CCDC191: variants seen among roughly 807,000 people sequenced by gnomAD.
CCDC191 encodes the protein coiled-coil domain-containing protein 191.
A neutral mutation model predicts 114.0 loss-of-function variants in CCDC191; 99 were observed. The observed-to-expected ratio is 0.87, with a 90% CI of 0.74 to 1.03. The LOEUF is 1.03. CCDC191 is among the 50% of genes least tolerant of loss of function. The pLI is 0.00. For synonymous variants in CCDC191, 351 were observed against 376.0 expected (o/e 0.93, Z 0.77); for missense variants, 973 against 1,087.0 (o/e 0.90, Z 1.47).
At chr3:114,046,534 A>G in intron 3 of CCDC191, 57 bp downstream of exon 3, 1 of 1,077,254 alleles carries the variant, frequency 9.3e-7, no homozygotes. Flanking sequence ...TTTGAAATGC[A>G]TCATGGGTTA....
chr3:113,985,918 C>T (rs1383468032), intron 13 of CCDC191, among the ~76,000 whole-genome samples: 1 of 151,966 alleles, frequency 6.6e-6, no homozygotes, highest in African/African-American at 2.4e-5. Flanking sequence ...TGGCCTTCAA[C>T]AAAAAAATAC....
At chr3:114,014,478 A>G (rs559620715) in intron 8 of CCDC191, among the ~76,000 whole-genome samples, 6 of 152,268 alleles carry the variant, frequency 3.9e-5, no homozygotes, top group Non-Finnish European at 7.4e-5. Context: ...GAACACTGAA[A>G]TCCAGAGTAC....
intron 14 of CCDC191, 121 bp downstream of exon 14, chr3:113,980,529 A>C (rs1056651693): frequency 1.1e-6 from 1 of 936,528 alleles, no homozygotes; most frequent in Non-Finnish European, 1.6e-6. Context: ...CACACATTCA[A>C]TTAATTTATC....
At chr3:113,979,542 C>G (rs927980001) in intron 14 of CCDC191, among the ~76,000 whole-genome samples, 1 of 152,160 alleles carries the variant, frequency 6.6e-6, no homozygotes, top group African/African-American at 2.4e-5. Context: ...AACTGAGTAT[C>G]ATTCTATCAA....
chr3:113,968,884 G>T (rs534082265), intron 16 of CCDC191, among the ~76,000 whole-genome samples: 2 of 152,072 alleles, frequency 1.3e-5, no homozygotes, highest in African/African-American at 4.8e-5. Context: ...CCTGAGGCTG[G>T]GTAATTTATT....
intron 8 of CCDC191, among the ~76,000 whole-genome samples, chr3:114,011,401 G>A (rs2076067615): frequency 1.3e-5 from 2 of 152,202 alleles, no homozygotes; most frequent in South Asian, 4.1e-4. Context: ...GTTCAGCTAT[G>A]CACGAAAATT....
chr3:114,024,452 A>G (rs909519808), intron 7 of CCDC191, among the ~76,000 whole-genome samples: 1 of 152,216 alleles, frequency 6.6e-6, no homozygotes, highest in Non-Finnish European at 1.5e-5. Context: ...AACCAACCCA[A>G]ATGTCCAACA....
chr3:114,020,219 A>C (rs926431929), intron 7 of CCDC191, among the ~76,000 whole-genome samples: 6 of 152,176 alleles, frequency 3.9e-5, no homozygotes, highest in Non-Finnish European at 7.4e-5. Flanking sequence ...GACTCTGCAC[A>C]AAATTGTTTG....
rs754192257 is a variant in CCDC191, at chr3:114,053,652, T to A, written c.91-17A>T. 6.4e-7 allele frequency: 1 copy of A among 1,557,800 alleles called. No homozygotes were observed. The highest frequency in any genetic ancestry group is 2.3e-5 in the East Asian group (1 of 44,142). On this transcript the variant is annotated splice_polypyrimidine_tract_variant and intron_variant, in intron 1 of 16. Coordinates refer to ENST00000295878, the MANE Select transcript of CCDC191 (RefSeq NM_020817.2). ...AAAAGTAGGCTGTAGATAACATATA[T>A]ATGATATCAATACGCAGCAATATCT...
In CCDC191 at chr3:114,010,981, G is replaced by A; in HGVS notation, c.1204C>T (p.Leu402Phe). The A allele has an allele frequency of 6.2e-7, 1 of 1,613,862 alleles. No individual in the cohort carries two copies. Among genetic ancestry groups the A allele is most frequent in the Non-Finnish European group, 8.5e-7 (1 of 1,179,872 alleles). Residue 402 changes from leucine (L) to phenylalanine (F), a missense_variant, in exon 9 of 17, where the codon CTC (leucine) becomes TTC (phenylalanine). Leu to Phe is a conservative substitution (Grantham distance 22). Coordinates refer to ENST00000295878, the MANE Select transcript of CCDC191 (RefSeq NM_020817.2). ...TGCCATTCTGTAAAGCAGTGTCGGA[G>A]AACTTGTTTCCGGTTATACTCAGTG... ...LATEYNRKQV[L>F]RHCFTEWQHW... is the part of the protein sequence containing the mutation.
chr3:113,978,458 A>C, intron 15 of CCDC191, 127 bp from the exon 16 acceptor site: 1 of 970,824 alleles, frequency 1.0e-6, no homozygotes, highest in Non-Finnish European at 1.5e-6. Context: ...CATACAAAGA[A>C]AAGGATAACC....
In CCDC191 at chr3:114,053,624, AC is replaced by A; in HGVS notation, c.101del (p.Gly34ValfsTer9). The A allele has an allele frequency of 6.3e-7, 1 of 1,589,266 alleles. No homozygotes were observed. Among genetic ancestry groups the A allele is most frequent in the Non-Finnish European group, 8.6e-7 (1 of 1,160,684 alleles). Reference sequence around the variant, plus strand: ...TTATCCAGTGTTCCACACTGTCAGGACCAAAAGTAGGCTGTAGATAACATAT... The same window carrying A: ...TTATCCAGTGTTCCACACTGTCAGGACAAAAGTAGGCTGTAGATAACATAT... ...TRKPSPKPTF[G>X]PDSVEHWIKR... On this transcript the variant is annotated frameshift_variant, in exon 2 of 17. Coordinates refer to ENST00000295878, the MANE Select transcript of CCDC191 (RefSeq NM_020817.2). LOFTEE classifies it high-confidence loss of function.
chr3:114,049,559 G>A (rs2076674582), intron 2 of CCDC191, among the ~76,000 whole-genome samples: 1 of 152,194 alleles, frequency 6.6e-6, no homozygotes, highest in Non-Finnish European at 1.5e-5. Flanking sequence ...ACCTGAGTTG[G>A]AATTTGTACA....
intron 7 of CCDC191, among the ~76,000 whole-genome samples, chr3:114,019,643 G>A (rs2076216080): frequency 6.6e-6 from 1 of 152,128 alleles, no homozygotes; most frequent in Non-Finnish European, 1.5e-5. Context: ...CACCAACCAT[G>A]CCATTTCATA....
At chr3:114,054,509 T>C (rs550363229) in intron 1 of CCDC191, among the ~76,000 whole-genome samples, 54 of 150,186 alleles carry the variant, frequency 3.6e-4, no homozygotes, top group Admixed American at 3.5e-3. Flanking sequence ...TGGTGGCGGG[T>C]GCCTGTAGTC....
chr3:114,042,733 T>G lies in CCDC191; in HGVS notation c.385A>C (p.Asn129His). The G allele has an allele frequency of 1.9e-6, 3 of 1,586,796 alleles. No homozygotes were observed. Among genetic ancestry groups the G allele is most frequent in the Non-Finnish European group, 2.6e-6 (3 of 1,170,200 alleles). The change falls in exon 4 of 17, where the codon AAT becomes CAT. Residue 129 changes from asparagine to histidine, a missense_variant. Physicochemically the swap from Asn to His is moderately conservative, Grantham distance 68. Coordinates refer to ENST00000295878, the MANE Select transcript of CCDC191 (RefSeq NM_020817.2). ...VSSVTIMPEA[N>H]GHLKYDKFDD... Reference sequence around the variant, plus strand: ...AACTTGTCATATTTCAAATGGCCATTGGCTTCCGGCATAATAGTGACACTT... The same window carrying G: ...AACTTGTCATATTTCAAATGGCCATGGGCTTCCGGCATAATAGTGACACTT...
In CCDC191 at chr3:113,978,126, A is replaced by G. The variant is rs970866833; in HGVS notation, c.2606+60T>C. ...TCTGCAGACACATTGTAGGAGCAGA[A>G]TATATTGCTGAGCAATTGTGAAGTC... On this transcript the variant is annotated intron_variant, in intron 16 of 16. Coordinates refer to ENST00000295878, the MANE Select transcript of CCDC191 (RefSeq NM_020817.2). The G allele has an allele frequency of 1.4e-5, 22 of 1,584,530 alleles. 1 individual carries two copies. In the South Asian group the frequency reaches 2.3e-4, roughly 17 times the overall value.
intron 13 of CCDC191, among the ~76,000 whole-genome samples, chr3:113,997,363 A>G (rs1212107829): frequency 1.3e-5 from 2 of 152,210 alleles, no homozygotes; most frequent in African/African-American, 4.8e-5. Context: ...ATGATTACAG[A>G]TAGGTGTGTA....
chr3:114,056,037 AAAAG>A (rs2076772221), intron 1 of CCDC191, among the ~76,000 whole-genome samples: 1 of 151,922 alleles, frequency 6.6e-6, no homozygotes. Context: ...AAGAGAGAGA[AAAAG>A]AAAGAAATGT....
Sources: gnomAD v4.1 joint callset for allele counts (sites outside exome capture counted in the v4.1 genomes callset) on GRCh38, gnomAD v4.1.1 for gene constraint, MANE v1.5 for transcripts, NCBI Gene and HGNC (gene_info 2026-07-23, HGNC 2026-07-21) for gene names.